ZSCAN25: variants seen among roughly 807,000 people sequenced by gnomAD.
ZSCAN25 encodes the protein zinc finger and SCAN domain containing 25.
ZSCAN25 carries 27 observed loss-of-function variants against 38.7 expected under a neutral mutation model. The ratio of observed to expected loss-of-function variants is 0.70; its 90% confidence interval spans 0.51 to 0.96. ZSCAN25 has a LOEUF of 0.96. Among genes scored for constraint, ZSCAN25 ranks in the 40% least tolerant of loss-of-function variants. The pLI, the probability that ZSCAN25 is intolerant of heterozygous loss-of-function variation, is 0.00. For missense variants in ZSCAN25, 637 were observed against 705.9 expected (o/e 0.90, Z 1.11); for synonymous variants, 273 against 277.7 (o/e 0.98, Z 0.17).
At chr7:99,636,359 C>T (rs117633057), downstream of ZSCAN25, among the ~76,000 whole-genome samples, 1,254 of 152,312 alleles carry the variant, frequency 8.2e-3, 15 homozygotes, top group South Asian at 0.035. Flanking sequence ...AAAAATCCCT[C>T]TGCACCAACA....
the ZSCAN25 span, chr7:99,717,653 C>T: frequency 0.061 from 97,603 of 1,612,818 alleles, 3,295 homozygotes; most frequent in Middle Eastern, 0.1. Flanking sequence ...GAGTTCAAAG[C>T]AGAAAGATTT....
the ZSCAN25 span, chr7:99,700,023 G>A: frequency 6.2e-7 from 1 of 1,610,614 alleles, no homozygotes; most frequent in Non-Finnish European, 8.5e-7. Flanking sequence ...CCAAATTTGG[G>A]ATGAGGTCCA....
the ZSCAN25 span, among the ~76,000 whole-genome samples, chr7:99,643,669 G>C: frequency 6.6e-6 from 1 of 151,686 alleles, no homozygotes; most frequent in Non-Finnish European, 1.5e-5. Context: ...CAGCAGATGG[G>C]GCTCTCAGTC....
the ZSCAN25 span, chr7:99,705,480 A>G: frequency 1.2e-6 from 2 of 1,612,524 alleles, no homozygotes; most frequent in East Asian, 4.5e-5. Context: ...TAAAGAGCAA[A>G]CCAGAAGTCC....
chr7:99,667,081 A>G, the ZSCAN25 span: 6 of 1,604,654 alleles, frequency 3.7e-6, no homozygotes, highest in Non-Finnish European at 5.1e-6. Context: ...GTTCAACAGA[A>G]ACATTTTTTC....
At chr7:99,709,216 T>C in the ZSCAN25 span, 4 of 1,613,934 alleles carry the variant, frequency 2.5e-6, no homozygotes, top group Non-Finnish European at 3.4e-6. Context: ...TTCACCACCA[T>C]GTCAAGATAC....
the ZSCAN25 span, among the ~76,000 whole-genome samples, chr7:99,646,915 C>T: frequency 6.6e-6 from 1 of 151,602 alleles, no homozygotes; most frequent in Non-Finnish European, 1.5e-5. Context: ...TATCATCTGT[C>T]TATCTATCCA....
chr7:99,732,417 G>C, the ZSCAN25 span, among the ~76,000 whole-genome samples: 167 of 152,156 alleles, frequency 1.1e-3, no homozygotes, highest in Non-Finnish European at 1.5e-3. Context: ...TGGAAGAAAA[G>C]ACTAATACAG....
the ZSCAN25 span, chr7:99,705,568 G>A: frequency 6.2e-7 from 1 of 1,613,666 alleles, no homozygotes; most frequent in Non-Finnish European, 8.5e-7. Context: ...GTTAGAAGAA[G>A]TCCTCCAAAG....
the ZSCAN25 span, among the ~76,000 whole-genome samples, chr7:99,683,942 G>A: frequency 1.3e-5 from 2 of 152,100 alleles, no homozygotes; most frequent in Non-Finnish European, 2.9e-5. Flanking sequence ...GAATGAGTGT[G>A]TTTAGCCTGT....
chr7:99,737,861 C>T, the ZSCAN25 span, among the ~76,000 whole-genome samples: 1 of 152,174 alleles, frequency 6.6e-6, no homozygotes, highest in Admixed American at 6.5e-5. Flanking sequence ...TAATTGAAGG[C>T]ATGTTCTGCC....
At chr7:99,635,755 G>C (rs1163373311), downstream of ZSCAN25, among the ~76,000 whole-genome samples, 1 of 152,168 alleles carries the variant, frequency 6.6e-6, no homozygotes, top group Non-Finnish European at 1.5e-5. Flanking sequence ...CTACATTGAA[G>C]ATATAACATG....
chr7:99,706,077 C>T, the ZSCAN25 span, among the ~76,000 whole-genome samples: 1 of 152,168 alleles, frequency 6.6e-6, no homozygotes, highest in Non-Finnish European at 1.5e-5. Context: ...CTCAATTGAA[C>T]CCATCTAGTG....
the ZSCAN25 span, among the ~76,000 whole-genome samples, chr7:99,690,078 C>T: frequency 1.1e-4 from 16 of 152,356 alleles, no homozygotes; most frequent in African/African-American, 3.8e-4. Flanking sequence ...ACCAAAACAG[C>T]ATGGTACTGG....
rs754118007 is a variant in ZSCAN25, at chr7:99,629,781, A to C, written c.1396A>C (p.Ser466Arg). 1.2e-6 allele frequency: 2 copies of C among 1,614,220 alleles called. No homozygotes were observed. Among genetic ancestry groups the C allele is most frequent in the Non-Finnish European group, 1.7e-6 (2 of 1,180,038 alleles). The change falls in exon 8 of 8, where the codon AGC becomes CGC. Residue 466 changes from serine (S) to arginine (R), a missense_variant. Ser to Arg is a moderately radical substitution (Grantham distance 110). Coordinates refer to ENST00000394152, the MANE Select transcript of ZSCAN25 (RefSeq NM_145115.3). This position sits in a 1 kb window ranked among gnomAD's most constrained non-coding sequence, Gnocchi z 5.6. ...EKPYTCECGKSFSRNANLAVH... is the reference protein window; with the variant it reads ...EKPYTCECGKRFSRNANLAVH... ...GCCCTACACCTGCGAGTGTGGCAAG[A>C]GCTTCAGCAGGAATGCCAATCTGGC...
At chr7:99,686,768 G>C in the ZSCAN25 span, among the ~76,000 whole-genome samples, 12 of 152,140 alleles carry the variant, frequency 7.9e-5, no homozygotes, top group African/African-American at 2.7e-4. Context: ...CCCAGTAGGG[G>C]CAGACTGACA....
At chr7:99,720,534 A>C in the ZSCAN25 span, 8 of 1,083,528 alleles carry the variant, frequency 7.4e-6, no homozygotes, top group Non-Finnish European at 1.1e-5. Context: ...AATACACAGT[A>C]ATCTTAAGTT....
At chr7:99,660,143 T>A in the ZSCAN25 span, 1 of 809,960 alleles carries the variant, frequency 1.2e-6, no homozygotes, top group Non-Finnish European at 1.5e-6. Flanking sequence ...AAATCATTCG[T>A]CTTCTGTGTT....
the ZSCAN25 span, among the ~76,000 whole-genome samples, chr7:99,718,825 A>G: frequency 5.9e-5 from 9 of 152,240 alleles, no homozygotes; most frequent in South Asian, 2.1e-4. Flanking sequence ...TACAAGATCA[A>G]CAAACAAAAG....
Sources: gnomAD v4.1 joint callset for allele counts (sites outside exome capture counted in the v4.1 genomes callset) on GRCh38, gnomAD v4.1.1 for gene constraint, Gnocchi (gnomAD v3.1) non-coding constraint, MANE v1.5 for transcripts, NCBI Gene and HGNC (gene_info 2026-07-23, HGNC 2026-07-21) for gene names.